The following OR8K3 variants were observed in gnomAD, a reference collection of about 807,000 sequenced individuals.
The protein encoded by OR8K3 is olfactory receptor 8K3.
For synonymous variants in OR8K3, 167 were observed against 138.8 expected, an observed-to-expected ratio of 1.20 and a Z score of -1.43; for missense variants, 448 against 367.4, an observed-to-expected ratio of 1.22 and a Z score of -1.79.
chr11:56,316,333 A>T (rs979735578), intron 2 of OR8K3, among the ~76,000 whole-genome samples: 2 of 151,782 alleles, frequency 1.3e-5, no homozygotes, highest in Non-Finnish European at 2.9e-5. Context: ...GCTTGTCTTT[A>T]TTTTTTCATA....
chr11:56,318,988 A>AT lies in OR8K3; in HGVS notation c.683dup (p.Met228IlefsTer41). On this transcript the variant is annotated frameshift_variant, in exon 3 of 3. Transcript: ENST00000641662. LOFTEE classifies it low-confidence loss of function (END_TRUNC). Reference sequence around the variant, plus strand: ...GCTCATCCTTGTAGCCATTCTCAGGATGAATTCTGCTGGCAGACAAAAGGC... The same window carrying AT: ...GCTCATCCTTGTAGCCATTCTCAGGATTGAATTCTGCTGGCAGACAAAAGGC... 1 of 1,614,158 alleles carries AT rather than the reference A, an allele frequency of 6.2e-7. No homozygotes were observed. The highest frequency in any genetic ancestry group is 8.5e-7 in the Non-Finnish European group (1 of 1,180,020).
chr11:56,317,749 T>C (rs536194771), intron 2 of OR8K3, among the ~76,000 whole-genome samples: 2 of 152,272 alleles, frequency 1.3e-5, no homozygotes, highest in South Asian at 4.1e-4. Flanking sequence ...ATTAACAATG[T>C]TTTTAACTTT....
chr11:56,318,822 C>G lies in OR8K3; in HGVS notation c.516C>G (p.Asn172Lys). The G allele has an allele frequency of 1.2e-6, 2 of 1,614,018 alleles. No individual in the cohort carries two copies. The highest frequency in any genetic ancestry group is 1.1e-5 in the South Asian group (1 of 91,076). ...KIFTLSFCGY[N>K]VISHFYCDSL... ...TTACTTTATCCTTCTGTGGCTACAACGTCATTAGTCATTTCTACTGTGACA... is the reference window on the plus strand; with the variant it reads ...TTACTTTATCCTTCTGTGGCTACAAGGTCATTAGTCATTTCTACTGTGACA... The change falls in exon 3 of 3, where the codon AAC becomes AAG. Residue 172 changes from asparagine (N) to lysine (K), a missense_variant. By Grantham distance (94) the Asn-to-Lys change is moderately conservative. Coordinates refer to ENST00000641662, the MANE Select transcript of OR8K3 (RefSeq NM_001005202.2).
At position 56,318,635 on chromosome 11, in the gene OR8K3, G is replaced by A. The variant is rs976005656; in HGVS notation, c.329G>A (p.Ser110Asn). Reference protein sequence around the residue: ...QLAFFLVFIGSELFILSAMSY... With the variant: ...QLAFFLVFIGNELFILSAMSY... ...GCTTTCTTTCTTGTGTTCATTGGTA[G>A]TGAACTTTTTATTCTCTCAGCCATG... Residue 110 changes from serine (S) to asparagine (N), a missense_variant, in exon 3 of 3, where the codon AGT (serine) becomes AAT (asparagine). By Grantham distance (46) the Ser-to-Asn change is conservative. Coordinates refer to ENST00000641662, the MANE Select transcript of OR8K3 (RefSeq NM_001005202.2). The A allele has an allele frequency of 1.9e-5, 30 of 1,613,438 alleles. No homozygotes were observed. The highest frequency in any genetic ancestry group is 3.3e-4 in the Middle Eastern group (2 of 6,058).
chr11:56,318,875 C>CA lies in OR8K3; in HGVS notation c.572dup (p.Asn191LysfsTer4). The stretch of plus-strand genomic sequence containing the variant: ...CTCCCTTTGTTACCTTTGCTTTGTT[C>CA]AAATACACATGAAATTGAATTGATA... On this transcript the variant is annotated frameshift_variant, in exon 3 of 3. Coordinates refer to ENST00000641662, the MANE Select transcript of OR8K3 (RefSeq NM_001005202.2). LOFTEE classifies it low-confidence loss of function (END_TRUNC). 6.2e-7 allele frequency: 1 copy of CA among 1,613,916 alleles called. No individual in the cohort carries two copies. Among genetic ancestry groups the CA allele is most frequent in the Non-Finnish European group, 8.5e-7 (1 of 1,179,816 alleles).
Position 56,319,553 on chromosome 11 carries a change from C to G in OR8K3, c.*308C>G, listed in dbSNP as rs1157483851. The G allele has an allele frequency of 3.7e-6, 1 of 271,032 alleles. No homozygotes were observed. The highest frequency in any genetic ancestry group is 7.0e-6 in the Non-Finnish European group (1 of 142,462). 16.8% of individuals were successfully genotyped at this position (271,032 alleles called of 1,614,324 possible). ...TAGTATGCTGGGTGGCAGTAGGAAA[C>G]AGTGGTCATTACAGAAGGGAGTTAC... On this transcript the variant is annotated 3_prime_UTR_variant, in exon 3 of 3. Coordinates refer to ENST00000641662, the MANE Select transcript of OR8K3 (RefSeq NM_001005202.2).
Position 56,318,630 on chromosome 11 carries a change from T to G in OR8K3, c.324T>G (p.Ile108Met). 1 of 1,613,958 alleles carries G rather than the reference T, an allele frequency of 6.2e-7. No individual in the cohort carries two copies. The highest frequency in any genetic ancestry group is 8.5e-7 in the Non-Finnish European group (1 of 1,179,840). The change falls in exon 3 of 3, where the codon ATT becomes ATG. Residue 108 changes from isoleucine to methionine, a missense_variant. By Grantham distance (10) the Ile-to-Met change is conservative (BLOSUM62 1). Coordinates refer to ENST00000641662, the MANE Select transcript of OR8K3 (RefSeq NM_001005202.2). ...ATQLAFFLVF[I>M]GSELFILSAM... ...AGCTAGCTTTCTTTCTTGTGTTCAT[T>G]GGTAGTGAACTTTTTATTCTCTCAG...
rs1854478046 is a variant in OR8K3, at chr11:56,318,603, A to G, written c.297A>G (p.Thr99=). 1.9e-6 allele frequency: 3 copies of G among 1,613,812 alleles called. No homozygotes were observed. The highest frequency in any genetic ancestry group is 1.3e-5 in the African/African-American group (1 of 74,912). ...TAATTTCTTATTATTTTTGTGCAAC[A>G]CAGCTAGCTTTCTTTCTTGTGTTCA... ...KNIISYYFCA[T]QLAFFLVFIG... The change falls in exon 3 of 3, where the codon ACA becomes ACG. Residue 99 remains threonine (T), a synonymous_variant. Coordinates refer to ENST00000641662, the MANE Select transcript of OR8K3 (RefSeq NM_001005202.2).
intron 1 of OR8K3, among the ~76,000 whole-genome samples, chr11:56,315,649 A>G (rs1454021842): frequency 6.6e-6 from 1 of 152,070 alleles, no homozygotes; most frequent in Non-Finnish European, 1.5e-5. Context: ...ACACTGAATG[A>G]TTATTCAAAT....
In OR8K3 at chr11:56,318,642, TTTTA is replaced by T; in HGVS notation, c.339_342del (p.Ile114SerfsTer20). 1 of 1,613,858 alleles carries T rather than the reference TTTTA, an allele frequency of 6.2e-7. No individual in the cohort carries two copies. The highest frequency in any genetic ancestry group is 8.5e-7 in the Non-Finnish European group (1 of 1,179,740). On this transcript the variant is annotated frameshift_variant, in exon 3 of 3. Coordinates refer to ENST00000641662, the MANE Select transcript of OR8K3 (RefSeq NM_001005202.2). LOFTEE classifies it low-confidence loss of function (END_TRUNC). The stretch of plus-strand genomic sequence containing the variant: ...TTCTTGTGTTCATTGGTAGTGAACT[TTTTA>T]TTCTCTCAGCCATGTCCTACGACCT...
chr11:56,318,064 G>A (rs1271085673), intron 2 of OR8K3, among the ~76,000 whole-genome samples: 1 of 152,152 alleles, frequency 6.6e-6, no homozygotes, highest in Non-Finnish European at 1.5e-5. Flanking sequence ...CTAGACATTA[G>A]AAAATGTTTT....
intron 2 of OR8K3, 80 bp downstream of exon 2, chr11:56,316,137 G>A (rs1229558790): frequency 1.3e-5 from 2 of 151,874 alleles, no homozygotes; most frequent in Non-Finnish European, 2.9e-5. Flanking sequence ...GATTTATGCT[G>A]CTCATCATCT....
chr11:56,315,989 T>A lies in OR8K3; in HGVS notation c.-81-11T>A, dbSNP rs1269837628. 6.6e-6 allele frequency: 1 copy of A among 152,056 alleles called. No individual in the cohort carries two copies. The highest frequency in any genetic ancestry group is 1.5e-5 in the Non-Finnish European group (1 of 67,934). The allele number at this position is 152,056 out of a possible 1,614,324, so 9.4% of individuals were successfully genotyped here. ...AAAATATGAAAAAAAGCAATCTGGT[T>A]CTTTCCACAGAACTCCAAAGATGGT... is the stretch of plus-strand genomic sequence containing the variant. On this transcript the variant is annotated splice_polypyrimidine_tract_variant and intron_variant, in intron 1 of 2. Coordinates refer to ENST00000641662, the MANE Select transcript of OR8K3 (RefSeq NM_001005202.2).
Position 56,320,516 on chromosome 11 carries a change from A to G in OR8K3, c.*1271A>G, listed in dbSNP as rs770739932. 6.6e-6 allele frequency: 1 copy of G among 152,208 alleles called. No homozygotes were observed. Among genetic ancestry groups the G allele is most frequent in the East Asian group, 1.9e-4 (1 of 5,198 alleles). The allele number at this position is 152,208 out of a possible 1,614,324, so 9.4% of individuals were successfully genotyped here. ...TTTATTGAAAGTATCAGAGTCTACA[A>G]TATTTTCTTGGTTCACCATCATAAA... On this transcript the variant is annotated 3_prime_UTR_variant, in exon 3 of 3. Coordinates refer to ENST00000641662, the MANE Select transcript of OR8K3 (RefSeq NM_001005202.2).
rs779058230 is a variant in OR8K3, at chr11:56,318,281, C to A, written c.-23-3C>A. The A allele has an allele frequency of 6.5e-7, 1 of 1,541,224 alleles. No individual in the cohort carries two copies. The highest frequency in any genetic ancestry group is 1.1e-5 in the South Asian group (1 of 87,480). On this transcript the variant is annotated splice_polypyrimidine_tract_variant and splice_region_variant and intron_variant, in intron 2 of 2. Coordinates refer to ENST00000641662, the MANE Select transcript of OR8K3 (RefSeq NM_001005202.2). ...CTATTGACAATGCCGATGTCTCTATCAGAATAGGTTTTCTGATGAACCTGG... is the reference window on the plus strand; with the variant it reads ...CTATTGACAATGCCGATGTCTCTATAAGAATAGGTTTTCTGATGAACCTGG...
Position 56,320,306 on chromosome 11 carries a change from A to G in OR8K3, c.*1061A>G, listed in dbSNP as rs2134871510. On this transcript the variant is annotated 3_prime_UTR_variant, in exon 3 of 3. Transcript: ENST00000641662. ...AAAGTAATAAAATGCACTACACCATACTGTATCTATCTGCTGGCTATTACA... is the reference window on the plus strand; with the variant it reads ...AAAGTAATAAAATGCACTACACCATGCTGTATCTATCTGCTGGCTATTACA... 6.6e-6 allele frequency: 1 copy of G among 152,316 alleles called. No homozygotes were observed. Among genetic ancestry groups the G allele is most frequent in the East Asian group, 1.9e-4 (1 of 5,194 alleles). The allele number at this position is 152,316 out of a possible 1,614,324, so 9.4% of individuals were successfully genotyped here.
chr11:56,318,942 G>A lies in OR8K3; in HGVS notation c.636G>A (p.Leu212=). Residue 212 remains leucine, a synonymous_variant, in exon 3 of 3, where the codon CTG becomes CTA. Coordinates refer to ENST00000641662, the MANE Select transcript of OR8K3 (RefSeq NM_001005202.2). ...CTATTGATTTGATTTCATCTCTTCTGATAGTTCTTTTATCTTACCTGCTCA... is the reference window on the plus strand; with the variant it reads ...CTATTGATTTGATTTCATCTCTTCTAATAGTTCTTTTATCTTACCTGCTCA... The part of the protein sequence containing the change: ...FAAIDLISSL[L]IVLLSYLLIL... 1.2e-6 allele frequency: 2 copies of A among 1,614,068 alleles called. No individual in the cohort carries two copies. The highest frequency in any genetic ancestry group is 1.7e-6 in the Non-Finnish European group (2 of 1,179,990).
rs2076151100 is a variant in OR8K3, at chr11:56,320,426, T to C, written c.*1181T>C. ...TCTTGCCTTTTAAACATGGTTGCTT[T>C]CCTTAACTCCATATGTTTTCTTATG... On this transcript the variant is annotated 3_prime_UTR_variant, in exon 3 of 3. Transcript: ENST00000641662. 1 of 152,250 alleles carries C rather than the reference T, an allele frequency of 6.6e-6. No individual in the cohort carries two copies. Among genetic ancestry groups the C allele is most frequent in the Admixed American group, 6.5e-5 (1 of 15,284 alleles). The allele number at this position is 152,250 out of a possible 1,614,324, so 9.4% of individuals were successfully genotyped here.
chr11:56,316,394 CTTTCT>C (rs1300364653), intron 2 of OR8K3, among the ~76,000 whole-genome samples: 2 of 149,274 alleles, frequency 1.3e-5, no homozygotes, highest in Non-Finnish European at 3.0e-5. Flanking sequence ...AAACTATTTT[CTTTCT>C]TTTCTTTTTT....
Sources: allele counts gnomAD v4.1 joint callset (sites outside exome capture counted in the v4.1 genomes callset), GRCh38; gene constraint gnomAD v4.1.1; transcripts MANE v1.5; gene names NCBI Gene and HGNC (gene_info 2026-07-23, HGNC 2026-07-21).